LRBA: variants seen among roughly 807,000 people sequenced by gnomAD.
The protein encoded by LRBA is lipopolysaccharide-responsive and beige-like anchor protein.
LRBA carries 176 observed loss-of-function variants against 330.0 expected under a neutral mutation model. That is an observed-to-expected ratio of 0.53 (90% CI 0.47 to 0.60). The LOEUF (loss-of-function observed/expected upper bound fraction) is 0.60. LRBA is among the 20% of genes least tolerant of loss of function. The probability of loss-of-function intolerance (pLI) is 0.00; values close to 1 mark genes in which losing one functional copy is unlikely to be tolerated. For missense variants in LRBA, 3,259 were observed against 3,444.8 expected (o/e 0.95, Z 1.35); for synonymous variants, 1,230 against 1,193.0 (o/e 1.03, Z -0.64).
chr4:150,424,233 C>T (rs536123858), intron 46 of LRBA, among the ~76,000 whole-genome samples: 14 of 152,198 alleles, frequency 9.2e-5, no homozygotes, highest in Admixed American at 2.6e-4. Flanking sequence ...AGCATATATA[C>T]AGCAAATCCT....
chr4:150,470,589 A>G (rs968023076), intron 43 of LRBA, among the ~76,000 whole-genome samples: 5 of 152,128 alleles, frequency 3.3e-5, no homozygotes, highest in Non-Finnish European at 7.3e-5. Flanking sequence ...CCTTAACTAG[A>G]AAGTCTGCCG....
intron 35 of LRBA, among the ~76,000 whole-genome samples, chr4:150,754,821 T>C (rs6837840): frequency 0.7 from 107,136 of 152,064 alleles, 42,702 homozygotes; most frequent in Non-Finnish European, 0.9. Context: ...TATATAATTT[T>C]AAAACTGAAA....
intron 16 of LRBA, among the ~76,000 whole-genome samples, chr4:150,894,414 T>C (rs1391351504): frequency 1.2e-4 from 18 of 152,310 alleles, no homozygotes; most frequent in Admixed American, 1.0e-3. Flanking sequence ...TAGTATTTGA[T>C]AACATTTACA....
chr4:150,836,725 T>C (rs999289002), intron 28 of LRBA, among the ~76,000 whole-genome samples: 29 of 152,336 alleles, frequency 1.9e-4, no homozygotes, highest in African/African-American at 6.7e-4. Context: ...ATCAATTTTG[T>C]TGATCTTTCC....
chr4:150,719,912 G>A (rs1728706633), intron 36 of LRBA, among the ~76,000 whole-genome samples: 1 of 152,122 alleles, frequency 6.6e-6, no homozygotes, highest in African/African-American at 2.4e-5. Context: ...CTTCCCATGA[G>A]AACTGTCTAT....
At chr4:150,706,827 C>T (rs1218486857) in intron 36 of LRBA, among the ~76,000 whole-genome samples, 1 of 151,572 alleles carries the variant, frequency 6.6e-6, no homozygotes, top group African/African-American at 2.4e-5. Flanking sequence ...CAGAGATCAT[C>T]AAACTCACTC....
chr4:150,710,204 C>T (rs1283446174), intron 36 of LRBA, among the ~76,000 whole-genome samples: 1 of 151,940 alleles, frequency 6.6e-6, no homozygotes, highest in Non-Finnish European at 1.5e-5. Flanking sequence ...ATAAACAGAA[C>T]TTGATGGTGG....
intron 34 of LRBA, among the ~76,000 whole-genome samples, chr4:150,789,419 T>A (rs866780778): frequency 6.6e-6 from 1 of 152,226 alleles, no homozygotes; most frequent in Non-Finnish European, 1.5e-5. Flanking sequence ...ATGGAATGTT[T>A]GTGCAATTAC....
intron 35 of LRBA, among the ~76,000 whole-genome samples, chr4:150,748,301 AC>A (rs957345926): frequency 1.3e-5 from 2 of 152,172 alleles, no homozygotes; most frequent in African/African-American, 4.8e-5. Context: ...TGCCCTGTAT[AC>A]CAATCCTATC....
chr4:150,585,814 T>C (rs545219839), intron 40 of LRBA, among the ~76,000 whole-genome samples: 1 of 152,022 alleles, frequency 6.6e-6, no homozygotes, highest in African/African-American at 2.4e-5. Context: ...AGGAAGAAGT[T>C]TGAGAGGGGG....
At chr4:150,317,894 A>T (rs978951204) in intron 50 of LRBA, among the ~76,000 whole-genome samples, 3 of 152,172 alleles carry the variant, frequency 2.0e-5, no homozygotes, top group Non-Finnish European at 4.4e-5. Context: ...GTTTTGACCT[A>T]TAAAAAAACG....
chr4:150,610,101 G>A (rs1166432504), intron 37 of LRBA, among the ~76,000 whole-genome samples: 1 of 152,104 alleles, frequency 6.6e-6, no homozygotes, highest in Non-Finnish European at 1.5e-5. Context: ...AAAGAATAGA[G>A]GAGGTAAAAT....
intron 44 of LRBA, among the ~76,000 whole-genome samples, chr4:150,445,365 CTCTCTCTCTCTCTATATATATA>C (rs1362785816): frequency 1.3e-5 from 1 of 74,150 alleles, no homozygotes; most frequent in African/African-American, 5.6e-5. Context: ...CTCTCTCTCT[CTCTCTCTCTCTCTATATATATA>C]TATATATATA....
intron 47 of LRBA, among the ~76,000 whole-genome samples, chr4:150,397,894 T>C (rs754136208): frequency 2.6e-5 from 4 of 152,190 alleles, no homozygotes; most frequent in Non-Finnish European, 4.4e-5. Flanking sequence ...TGCATATTAT[T>C]AAGTGTTCAA....
At chr4:150,537,620 T>G (rs1648369297) in intron 40 of LRBA, among the ~76,000 whole-genome samples, 1 of 152,092 alleles carries the variant, frequency 6.6e-6, no homozygotes, top group African/African-American at 2.4e-5. Flanking sequence ...TATAGGAAAC[T>G]TCATTCAACA....
chr4:150,923,250 A>G (rs959014127), intron 4 of LRBA, among the ~76,000 whole-genome samples: 2 of 151,428 alleles, frequency 1.3e-5, no homozygotes, highest in African/African-American at 2.4e-5. Flanking sequence ...AACATGGACT[A>G]TAAGATACTT....
At chr4:150,607,633 G>A (rs546552472) in intron 37 of LRBA, among the ~76,000 whole-genome samples, 26 of 152,154 alleles carry the variant, frequency 1.7e-4, no homozygotes, top group African/African-American at 6.0e-4. Flanking sequence ...CAGGCATGGT[G>A]GTTCAGGCCT....
intron 56 of LRBA, among the ~76,000 whole-genome samples, 157 bp from the exon 57 acceptor site, chr4:150,265,969 A>G (rs1745262970): frequency 6.6e-6 from 1 of 152,222 alleles, no homozygotes; most frequent in Admixed American, 6.5e-5. Flanking sequence ...ACTAAAATGT[A>G]TCCCTGAGTA....
At chr4:150,415,312 C>A in intron 47 of LRBA, 126 bp downstream of exon 47, 1 of 651,988 alleles carries the variant, frequency 1.5e-6, no homozygotes. Context: ...TATTATGTCA[C>A]TTTCAGTTAG....
Sources: gnomAD v4.1 joint callset for allele counts (sites outside exome capture counted in the v4.1 genomes callset) on GRCh38, gnomAD v4.1.1 for gene constraint, MANE v1.5 for transcripts, NCBI Gene and HGNC (gene_info 2026-07-23, HGNC 2026-07-21) for gene names.